The following HTATIP2 variants were observed in gnomAD, a reference collection of about 807,000 sequenced individuals.
HTATIP2 encodes the protein HIV-1 Tat interactive protein 2.
Under a neutral mutation model 24.7 loss-of-function variants are expected in HTATIP2, and 26 were observed. The ratio of observed to expected loss-of-function variants is 1.05; its 90% CI spans 0.77 to 1.46. The LOEUF (loss-of-function observed/expected upper bound fraction) is 1.46. Ranked by LOEUF, HTATIP2 falls within the 40% of genes most tolerant of loss-of-function variation. The pLI is 0.00. For missense variants in HTATIP2, 284 were observed against 289.6 expected (o/e 0.98, Z 0.14); for synonymous variants, 99 against 113.2 (o/e 0.87, Z 0.79).
At chr11:20,378,366 C>T (rs997901839) in intron 3 of HTATIP2, among the ~76,000 whole-genome samples, 1 of 151,918 alleles carries the variant, frequency 6.6e-6, no homozygotes, top group South Asian at 2.1e-4. Flanking sequence ...TGCAGTGGTG[C>T]GGTCACAGCT....
intron 4 of HTATIP2, 24 bp downstream of exon 4, chr11:20,382,263 T>A: frequency 7.5e-7 from 1 of 1,334,756 alleles, no homozygotes. Context: ...TTATACTGAA[T>A]GAGAGTATGC....
Position 20,376,678 on chromosome 11 carries a change from A to G in HTATIP2, c.402A>G (p.Gly134=). ...ATTTCAACTTGCTATCCTCTAAAGG[A>G]GCTGATAAATCAAGCAATTTTTTAT... ...CKHFNLLSSK[G]ADKSSNFLYL... The change falls in exon 3 of 5, where the codon GGA becomes GGG. Residue 134 remains glycine, a synonymous_variant. Transcript: ENST00000451739. 1 of 1,611,158 alleles carries G rather than the reference A, an allele frequency of 6.2e-7. No individual in the cohort carries two copies. The highest frequency in any genetic ancestry group is 1.3e-5 in the African/African-American group (1 of 74,668).
chr11:20,382,956 C>CTTTTTTT, intron 4 of HTATIP2, 24 bp from the exon 5 acceptor site: 1 of 1,256,532 alleles, frequency 8.0e-7, no homozygotes, highest in East Asian at 2.5e-5. Flanking sequence ...GCTTTTCTTT[C>CTTTTTTT]TTTTTTTTTT....
At chr11:20,372,101 A>G (rs1255627708) in intron 2 of HTATIP2, among the ~76,000 whole-genome samples, 1 of 152,086 alleles carries the variant, frequency 6.6e-6, no homozygotes, top group Non-Finnish European at 1.5e-5. Context: ...GATCCCCATG[A>G]TTTACTTTTT....
rs1160806224 is a variant in HTATIP2 at position 20,376,638 on chromosome 11, C to T, written c.362C>T (p.Ala121Val). Residue 121 changes from alanine (A) to valine (V), a missense_variant, in exon 3 of 5, where the codon GCT becomes GTT. Physicochemically the swap from Ala to Val is moderately conservative, Grantham distance 64 (BLOSUM62 0). Coordinates refer to ENST00000451739, the MANE Select transcript of HTATIP2 (RefSeq NM_001098522.2). Reference sequence around the variant, plus strand: ...CTGAAGTCTGCAGAGCTGGCAAAAGCTGGAGGGTGCAAACATTTCAACTTG... The same window carrying T: ...CTGAAGTCTGCAGAGCTGGCAAAAGTTGGAGGGTGCAAACATTTCAACTTG... Reference protein sequence around the residue: ...YVLKSAELAKAGGCKHFNLLS... With the variant: ...YVLKSAELAKVGGCKHFNLLS... 6.2e-7 allele frequency: 1 copy of T among 1,613,932 alleles called. No homozygotes were observed. Among genetic ancestry groups the T allele is most frequent in the Admixed American group, 1.7e-5 (1 of 60,002 alleles).
intron 4 of HTATIP2, among the ~76,000 whole-genome samples, chr11:20,382,567 A>C (rs1848536270): frequency 6.6e-6 from 1 of 152,062 alleles, no homozygotes; most frequent in African/African-American, 2.4e-5. Context: ...TGTCTTAAAC[A>C]ACAGAAATTT....
chr11:20,365,118 G>T (rs2064683575), intron 1 of HTATIP2, among the ~76,000 whole-genome samples: 1 of 151,878 alleles, frequency 6.6e-6, no homozygotes, highest in African/African-American at 2.4e-5. Context: ...CGAGTAACTG[G>T]AACTACAGGC....
intron 2 of HTATIP2, among the ~76,000 whole-genome samples, chr11:20,371,370 G>A (rs1269531434): frequency 1.3e-5 from 2 of 152,166 alleles, no homozygotes; most frequent in Non-Finnish European, 2.9e-5. Flanking sequence ...TCAGAAGGAG[G>A]TGACCAGTGA....
intron 1 of HTATIP2, among the ~76,000 whole-genome samples, chr11:20,365,413 A>C (rs183065110): frequency 2.6e-5 from 4 of 152,324 alleles, no homozygotes; most frequent in East Asian, 1.9e-4. Flanking sequence ...TTATCTGTGA[A>C]CTGCAACAAA....
intron 3 of HTATIP2, among the ~76,000 whole-genome samples, chr11:20,381,443 C>CA (rs1848520058): frequency 1.3e-5 from 2 of 150,890 alleles, no homozygotes; most frequent in African/African-American, 4.9e-5. Flanking sequence ...CTATCACACA[C>CA]AAAAAATACA....
At chr11:20,370,185 C>T (rs1423624512) in intron 2 of HTATIP2, among the ~76,000 whole-genome samples, 2 of 152,204 alleles carry the variant, frequency 1.3e-5, no homozygotes, top group Non-Finnish European at 2.9e-5. Flanking sequence ...CCCTCACTTG[C>T]TGGTTTTCTG....
chr11:20,383,303 GT>G lies in HTATIP2; in HGVS notation c.*102del. 8 of 858,776 alleles carry G rather than the reference GT, an allele frequency of 9.3e-6. No homozygotes were observed. Among genetic ancestry groups the G allele is most frequent in the Non-Finnish European group, 1.3e-5 (7 of 552,718 alleles). The allele number at this position is 858,776 out of a possible 1,614,324, so 53.2% of individuals were successfully genotyped here. A position where few individuals can be genotyped will look rare whatever the true frequency, so the allele number is the denominator to read the frequency against. The stretch of plus-strand genomic sequence containing the variant: ...AAAGTCAGCATGTTTTAACTTTGTT[GT>G]TTTACTATCCTCAGGCATCCATTCC... On this transcript the variant is annotated 3_prime_UTR_variant, in exon 5 of 5. Coordinates refer to ENST00000451739, the MANE Select transcript of HTATIP2 (RefSeq NM_001098522.2).
intron 4 of HTATIP2, among the ~76,000 whole-genome samples, chr11:20,382,756 G>T (rs1270621562): frequency 6.6e-6 from 1 of 151,956 alleles, no homozygotes; most frequent in Non-Finnish European, 1.5e-5. Flanking sequence ...CTCTTATGAG[G>T]ACCCCAGTCC....
chr11:20,372,688 C>T (rs993851517), intron 2 of HTATIP2, among the ~76,000 whole-genome samples: 7 of 152,148 alleles, frequency 4.6e-5, no homozygotes, highest in African/African-American at 1.7e-4. Flanking sequence ...AAACTAAGTA[C>T]AGTTTTTCTA....
intron 4 of HTATIP2, 24 bp from the exon 5 acceptor site, chr11:20,382,956 C>CTTTTTTTTTT: frequency 1.6e-6 from 2 of 1,256,530 alleles, no homozygotes; most frequent in African/African-American, 1.5e-5. Flanking sequence ...GCTTTTCTTT[C>CTTTTTTTTTT]TTTTTTTTTT....
intron 2 of HTATIP2, chr11:20,367,726 A>C: frequency 2.0e-6 from 2 of 993,622 alleles, no homozygotes; most frequent in Non-Finnish European, 2.5e-6. Context: ...GGAATAGAAC[A>C]TCAGAACACA....
chr11:20,364,333 A>G lies in HTATIP2; in HGVS notation c.96A>G (p.Arg32=). The G allele has an allele frequency of 1.2e-6, 2 of 1,613,864 alleles. No individual in the cohort carries two copies. The highest frequency in any genetic ancestry group is 1.7e-6 in the Non-Finnish European group (2 of 1,179,798). ...TGGGCGCCAGCGGAGAAACCGGCAG[A>G]GTGCTCTTAAAGGAAATCCTGGAGC... ...FILGASGETG[R]VLLKEILEQG... The change falls in exon 1 of 5, where the codon AGA becomes AGG. Residue 32 remains arginine, a synonymous_variant. Coordinates refer to ENST00000451739, the MANE Select transcript of HTATIP2 (RefSeq NM_001098522.2).
chr11:20,371,361 C>G (rs1398623925), intron 2 of HTATIP2, among the ~76,000 whole-genome samples: 2 of 152,206 alleles, frequency 1.3e-5, no homozygotes, highest in Non-Finnish European at 2.9e-5. Flanking sequence ...CCTTGTCTGT[C>G]AGAAGGAGGT....
At position 20,383,172 on chromosome 11, in the gene HTATIP2, C is replaced by G; in HGVS notation, c.696C>G (p.Asp232Glu). The G allele has an allele frequency of 6.2e-7, 1 of 1,613,918 alleles. No homozygotes were observed. The highest frequency in any genetic ancestry group is 1.7e-5 in the Admixed American group (1 of 59,994). The change falls in exon 5 of 5, where the codon GAC (aspartate) becomes GAG (glutamate). Residue 232 changes from aspartate to glutamate, a missense_variant. Physicochemically the swap from Asp to Glu is conservative, Grantham distance 45. Transcript: ENST00000451739. ...MELLENKAIH[D>E]LGKAHGSLKP is the part of the protein sequence containing the mutation. ...TGCTGGAGAACAAGGCCATCCATGA[C>G]CTGGGGAAAGCGCATGGCTCTCTCA... is the stretch of plus-strand genomic sequence containing the variant.
Sources: gnomAD v4.1 joint callset for allele counts (sites outside exome capture counted in the v4.1 genomes callset) on GRCh38, gnomAD v4.1.1 for gene constraint, MANE v1.5 for transcripts, NCBI Gene and HGNC (gene_info 2026-07-23, HGNC 2026-07-21) for gene names.